DOCK8: variants seen among roughly 807,000 people sequenced by gnomAD.
DOCK8 encodes the protein dedicator of cytokinesis 8.
A neutral mutation model predicts 245.6 loss-of-function variants in DOCK8; 141 were observed. The ratio of observed to expected loss-of-function variants is 0.57; its 90% CI spans 0.50 to 0.66. The LOEUF is 0.66. Among genes scored for constraint, DOCK8 ranks in the 30% least tolerant of loss-of-function variants. The pLI is 0.00. For missense variants in DOCK8, 2,965 were observed against 2,603.4 expected, an observed-to-expected ratio of 1.14 and a Z score of -3.02; for synonymous variants, 1,168 against 970.2, an observed-to-expected ratio of 1.20 and a Z score of -3.79.
At chr9:452,234 C>T (rs2057491654) in intron 46 of DOCK8, 117 bp downstream of exon 46, 2 of 690,856 alleles carry the variant, frequency 2.9e-6, no homozygotes, top group East Asian at 6.0e-5. Flanking sequence ...CTCAGGCACC[C>T]TCCAGACCTG....
At chr9:370,131 C>T (rs1381304375) in intron 15 of DOCK8, 99 bp from the exon 16 acceptor site, 42 of 1,031,882 alleles carry the variant, frequency 4.1e-5, no homozygotes, top group Non-Finnish European at 3.5e-5. Context: ...GTACAAAATG[C>T]AGCTCTATGA....
chr9:217,476 G>T (rs1428643827), intron 1 of DOCK8, among the ~76,000 whole-genome samples: 1 of 152,154 alleles, frequency 6.6e-6, no homozygotes, highest in Non-Finnish European at 1.5e-5. Flanking sequence ...GATGAAATCT[G>T]ATCAAGAAGA....
intron 18 of DOCK8, among the ~76,000 whole-genome samples, chr9:372,671 C>G (rs1003218632): frequency 2.0e-5 from 3 of 152,154 alleles, no homozygotes; most frequent in Non-Finnish European, 4.4e-5. Context: ...GTTGTCACAG[C>G]CCTCCGGTAG....
At chr9:212,185 T>C (rs927501573), upstream of DOCK8, among the ~76,000 whole-genome samples, 8 of 152,164 alleles carry the variant, frequency 5.3e-5, no homozygotes, top group Non-Finnish European at 1.2e-4. Context: ...CTTGGAGCAG[T>C]ACCCGGTACA....
chr9:422,155 T>G lies in DOCK8; in HGVS notation c.4241+20T>G. The G allele has an allele frequency of 6.2e-7, 1 of 1,609,142 alleles. No homozygotes were observed. Among genetic ancestry groups the G allele is most frequent in the Non-Finnish European group, 8.5e-7 (1 of 1,175,550 alleles). ...AGATAAGTGAGTCACTCGGCAACTTTCTGCTACTTTTACCTAAAGTCCAAA... is the reference window on the plus strand; with the variant it reads ...AGATAAGTGAGTCACTCGGCAACTTGCTGCTACTTTTACCTAAAGTCCAAA... On this transcript the variant is annotated intron_variant, in intron 33 of 47. Coordinates refer to ENST00000432829, the MANE Select transcript of DOCK8 (RefSeq NM_203447.4).
chr9:462,760 C>G (rs954113154), intron 46 of DOCK8, among the ~76,000 whole-genome samples: 8 of 152,194 alleles, frequency 5.3e-5, no homozygotes, highest in African/African-American at 1.9e-4. Flanking sequence ...TCCATATGTA[C>G]GTAGCAGGAG....
intron 46 of DOCK8, among the ~76,000 whole-genome samples, chr9:462,115 G>A (rs1050268390): frequency 4.0e-5 from 6 of 151,374 alleles, no homozygotes; most frequent in East Asian, 1.9e-4. Context: ...GTTTTCCCTC[G>A]TGGTGGTTGG....
chr9:453,463 G>A (rs1237158634), intron 46 of DOCK8, among the ~76,000 whole-genome samples: 1 of 152,130 alleles, frequency 6.6e-6, no homozygotes, highest in South Asian at 2.1e-4. Flanking sequence ...GTCTCACTCT[G>A]TTGCCCAGGC....
chr9:270,544 G>A (rs754517729), intron 1 of DOCK8, among the ~76,000 whole-genome samples: 7 of 152,136 alleles, frequency 4.6e-5, no homozygotes, highest in African/African-American at 9.7e-5. Flanking sequence ...TGCCAAGGTC[G>A]GGAGCAAAGC....
chr9:264,021 T>C (rs1303756980), intron 1 of DOCK8, among the ~76,000 whole-genome samples: 2 of 152,196 alleles, frequency 1.3e-5, no homozygotes, highest in African/African-American at 4.8e-5. Flanking sequence ...TTACTTCTGC[T>C]CCAGTTTCAT....
chr9:305,882 A>G (rs924543844), intron 5 of DOCK8, among the ~76,000 whole-genome samples: 4 of 152,200 alleles, frequency 2.6e-5, no homozygotes, highest in Non-Finnish European at 5.9e-5. Flanking sequence ...CAGCCCAAGT[A>G]TCCATCCATA....
intron 4 of DOCK8, among the ~76,000 whole-genome samples, chr9:299,015 C>T (rs1344879036): frequency 6.6e-6 from 1 of 151,946 alleles, no homozygotes; most frequent in Non-Finnish European, 1.5e-5. Flanking sequence ...TAATTTTTCC[C>T]CCTAAAATTG....
At chr9:363,492 G>A (rs1389641353) in intron 14 of DOCK8, among the ~76,000 whole-genome samples, 1 of 152,146 alleles carries the variant, frequency 6.6e-6, no homozygotes, top group East Asian at 1.9e-4. Flanking sequence ...CTTCCAAAAG[G>A]AAACGTTATT....
intron 23 of DOCK8, 91 bp downstream of exon 23, chr9:386,517 G>A (rs764330288): frequency 2.0e-5 from 22 of 1,122,836 alleles, no homozygotes; most frequent in Non-Finnish European, 2.9e-5. Context: ...TAGTCAAAGT[G>A]CTCCCCTGCC....
At chr9:349,558 A>T (rs1401804204) in intron 14 of DOCK8, among the ~76,000 whole-genome samples, 1 of 152,202 alleles carries the variant, frequency 6.6e-6, no homozygotes, top group Non-Finnish European at 1.5e-5. Context: ...CTAGAATTAC[A>T]GCTTTTAAGC....
intron 39 of DOCK8, among the ~76,000 whole-genome samples, chr9:435,434 G>A (rs1299361954): frequency 3.9e-5 from 6 of 152,182 alleles, no homozygotes; most frequent in South Asian, 4.1e-4. Flanking sequence ...TTCCCACTTC[G>A]CGGATGAGAG....
At chr9:344,881 GTC>G (rs1216602503) in intron 14 of DOCK8, among the ~76,000 whole-genome samples, 1 of 151,960 alleles carries the variant, frequency 6.6e-6, no homozygotes, top group Admixed American at 6.6e-5. Context: ...GTGACCCCTT[GTC>G]TCTACTAAAA....
At chr9:336,432 GC>G in intron 11 of DOCK8, 149 bp from the exon 12 acceptor site, 1 of 1,064,234 alleles carries the variant, frequency 9.4e-7, no homozygotes, top group Non-Finnish European at 1.4e-6. Flanking sequence ...AAAGGTAGGG[GC>G]CAATGGAAGG....
intron 1 of DOCK8, among the ~76,000 whole-genome samples, chr9:259,575 G>A (rs549707): frequency 0.39 from 59,936 of 152,024 alleles, 12,472 homozygotes; most frequent in East Asian, 0.79. Context: ...CTGGTTCATA[G>A]CATTGCTGTG....
Sources: gnomAD v4.1 joint callset for allele counts (sites outside exome capture counted in the v4.1 genomes callset) on GRCh38, gnomAD v4.1.1 for gene constraint, MANE v1.5 for transcripts, NCBI Gene and HGNC (gene_info 2026-07-23, HGNC 2026-07-21) for gene names.